Variants in FANCI observed in about 807,000 individuals in gnomAD.
FANCI encodes the protein Fanconi anemia group I protein.
A neutral mutation model predicts 176.1 loss-of-function variants in FANCI; 156 were observed. The observed-to-expected ratio is 0.89, with a 90% CI of 0.78 to 1.01. The LOEUF (loss-of-function observed/expected upper bound fraction) is 1.01, where lower values mean the gene tolerates loss of function less well. FANCI is among the 50% of genes least tolerant of loss of function. FANCI has a pLI of 0.00. For synonymous variants in FANCI, 613 were observed against 541.7 expected (o/e 1.13, Z -1.83); for missense variants, 1,678 against 1,534.1 (o/e 1.09, Z -1.57).
rs769097886 is a variant in FANCI, at chr15:89,294,976, C to T, written c.2518C>T (p.Arg840Cys). 1.2e-5 allele frequency: 19 copies of T among 1,552,206 alleles called. No individual in the cohort carries two copies. Among genetic ancestry groups the T allele is most frequent in the Middle Eastern group, 1.7e-4 (1 of 5,998 alleles). ...TCTCAGGTCCAGCAATGAGTTTATGCGCTATGCAGTGAATGTAGCTCTGCA... is the reference window on the plus strand; with the variant it reads ...TCTCAGGTCCAGCAATGAGTTTATGTGCTATGCAGTGAATGTAGCTCTGCA... ...SVLRSSNEFM[R>C]YAVNVALQKV... is the part of the protein sequence containing the mutation. Residue 840 changes from arginine to cysteine, a missense_variant, in exon 24 of 38, where the codon CGC becomes TGC. Arg to Cys is a radical substitution (Grantham distance 180). Around this residue, in one of 3 missense-constraint regions of FANCI, gnomAD observed 1,204 missense variants for 1,077.4 expected, o/e 1.12. Transcript: ENST00000310775.
At chr15:89,297,059 A>T (rs1286257547) in intron 24 of FANCI, among the ~76,000 whole-genome samples, 1 of 146,300 alleles carries the variant, frequency 6.8e-6, no homozygotes, top group Non-Finnish European at 1.5e-5. Flanking sequence ...TGCCGGGTGG[A>T]GACGCTCCTC....
intron 24 of FANCI, among the ~76,000 whole-genome samples, chr15:89,297,336 G>A (rs1264935735): frequency 2.0e-5 from 3 of 152,044 alleles, no homozygotes; most frequent in Non-Finnish European, 4.4e-5. Context: ...GGGCAGAGAC[G>A]CTCCTCACTT....
chr15:89,289,224 C>G (rs2053958576), intron 18 of FANCI, among the ~76,000 whole-genome samples: 2 of 152,194 alleles, frequency 1.3e-5, no homozygotes, highest in African/African-American at 4.8e-5. Context: ...ATTATTATTA[C>G]ACATTCATAA....
intron 26 of FANCI, 106 bp downstream of exon 26, chr15:89,300,491 G>A: frequency 1.1e-6 from 1 of 942,102 alleles, no homozygotes; most frequent in East Asian, 2.6e-5. Flanking sequence ...AGTAGGAGAA[G>A]AATTTTTTCT....
In FANCI at chr15:89,316,671, A is replaced by G; in HGVS notation, c.*212A>G. 7.6e-7 allele frequency: 1 copy of G among 1,310,902 alleles called. No individual in the cohort carries two copies. The highest frequency in any genetic ancestry group is 1.1e-6 in the Non-Finnish European group (1 of 906,930). The allele number at this position is 1,310,902 out of a possible 1,614,324, so 81.2% of individuals were successfully genotyped here. On this transcript the variant is annotated 3_prime_UTR_variant, in exon 38 of 38. Transcript: ENST00000310775. ...TTAGGCAAGCCCTTTTGCAAAAAGC[A>G]CAGCTGAAAGCCTGAGTTTGGGAGC... is the stretch of plus-strand genomic sequence containing the variant.
At chr15:89,287,448 G>C (rs1183817503) in intron 18 of FANCI, among the ~76,000 whole-genome samples, 1 of 152,142 alleles carries the variant, frequency 6.6e-6, no homozygotes, top group Non-Finnish European at 1.5e-5. Flanking sequence ...TGGCTGGCTT[G>C]GTCTTTTACC....
chr15:89,252,823 A>G (rs1016853145), intron 2 of FANCI, among the ~76,000 whole-genome samples: 1 of 152,238 alleles, frequency 6.6e-6, no homozygotes, highest in Non-Finnish European at 1.5e-5. Flanking sequence ...GACAAAGTAG[A>G]AAACTAAGAA....
chr15:89,297,611 AC>A (rs1457894056), intron 24 of FANCI, among the ~76,000 whole-genome samples: 5 of 151,820 alleles, frequency 3.3e-5, no homozygotes, highest in Non-Finnish European at 5.9e-5. Context: ...AAATACGAAA[AC>A]CAGTCAGGTG....
Position 89,307,602 on chromosome 15 carries a change from T to G in FANCI, c.3592-11T>G. 1 of 1,614,190 alleles carries G rather than the reference T, an allele frequency of 6.2e-7. No individual in the cohort carries two copies. Among genetic ancestry groups the G allele is most frequent in the Non-Finnish European group, 8.5e-7 (1 of 1,180,006 alleles). ...CTGGTTACATTGGTTTCCTTCTCCCTTGTTGTGCAGGTGAAGCTGTCTGGT... is the reference window on the plus strand; with the variant it reads ...CTGGTTACATTGGTTTCCTTCTCCCGTGTTGTGCAGGTGAAGCTGTCTGGT... On this transcript the variant is annotated splice_polypyrimidine_tract_variant and intron_variant, in intron 33 of 37. Transcript: ENST00000310775.
chr15:89,265,646 C>T (rs1045969141), intron 9 of FANCI, among the ~76,000 whole-genome samples: 2 of 152,048 alleles, frequency 1.3e-5, no homozygotes, highest in Admixed American at 6.5e-5. Flanking sequence ...CCCTCAGCCT[C>T]CTGAGTAGCT....
At chr15:89,295,425 G>C (rs2054220177) in intron 24 of FANCI, among the ~76,000 whole-genome samples, 1 of 151,568 alleles carries the variant, frequency 6.6e-6, no homozygotes, top group African/African-American at 2.4e-5. Context: ...CAGCACTTTG[G>C]GAGGCTGAGC....
Position 89,280,788 on chromosome 15 carries a change from A to G in FANCI, c.1382-382A>G, listed in dbSNP as rs117629857. The stretch of plus-strand genomic sequence containing the variant: ...TTATTAAAATTTTTGAAGAAAGACT[A>G]TGTTTTATACTTTTATGTTCCTAAT... On this transcript the variant is annotated intron_variant, in intron 14 of 37. Coordinates refer to ENST00000310775, the MANE Select transcript of FANCI (RefSeq NM_001113378.2). Among the ~76,000 whole-genome samples the G allele has an allele frequency of 2.4e-4, 37 of 152,300 alleles. No individual in the cohort carries two copies. The East Asian group carries it at 5.6e-3, about 23-fold the overall frequency.
chr15:89,299,606 A>G (rs1169850966), intron 24 of FANCI, among the ~76,000 whole-genome samples, 194 bp from the exon 25 acceptor site: 1 of 152,224 alleles, frequency 6.6e-6, no homozygotes, highest in African/African-American at 2.4e-5. Flanking sequence ...AAATGGGAGG[A>G]GAGAATTGAC....
chr15:89,294,534 G>A (rs779153343), intron 23 of FANCI, among the ~76,000 whole-genome samples: 19 of 151,968 alleles, frequency 1.3e-4, no homozygotes, highest in South Asian at 2.1e-4. Flanking sequence ...GCAGTGAGCC[G>A]AGATCATGCC....
intron 1 of FANCI, among the ~76,000 whole-genome samples, chr15:89,246,607 C>T (rs1329968803): frequency 6.6e-6 from 1 of 152,124 alleles, no homozygotes; most frequent in Admixed American, 6.5e-5. Context: ...ATACCCTTCT[C>T]CATAATGTAT....
intron 8 of FANCI, 32 bp downstream of exon 8, chr15:89,264,058 T>C: frequency 1.2e-6 from 2 of 1,613,590 alleles, no homozygotes; most frequent in South Asian, 1.1e-5. Context: ...TCCTTAGTTC[T>C]GGTGGTATGA....
At chr15:89,274,470 C>T (rs940999632) in intron 12 of FANCI, among the ~76,000 whole-genome samples, 166 bp downstream of exon 12, 9 of 152,138 alleles carry the variant, frequency 5.9e-5, no homozygotes, top group African/African-American at 2.2e-4. Context: ...TACTTTTTCC[C>T]TATGGAAATA....
At chr15:89,261,230 C>T (rs931310163) in intron 4 of FANCI, among the ~76,000 whole-genome samples, 5 of 152,208 alleles carry the variant, frequency 3.3e-5, no homozygotes, top group South Asian at 2.1e-4. Flanking sequence ...GAGATTGCAC[C>T]GCTGCAGTCC....
At chr15:89,306,539 A>G (rs2054726555) in intron 32 of FANCI, among the ~76,000 whole-genome samples, 1 of 152,024 alleles carries the variant, frequency 6.6e-6, no homozygotes, top group Admixed American at 6.6e-5. Flanking sequence ...TAAAAATACA[A>G]AAAGTAGCTG....
Sources: gnomAD v4.1 joint callset for allele counts (sites outside exome capture counted in the v4.1 genomes callset) on GRCh38, gnomAD v4.1.1 for gene constraint, gnomAD v4.1.1 regional missense constraint, MANE v1.5 for transcripts, NCBI Gene and HGNC (gene_info 2026-07-23, HGNC 2026-07-21) for gene names.